Variants in PODXL2 observed in about 807,000 individuals in gnomAD.
PODXL2 encodes the protein podocalyxin-like protein 2.
Under a neutral mutation model 53.4 loss-of-function variants are expected in PODXL2, and 17 were observed. The observed-to-expected ratio is 0.32, with a 90% CI of 0.22 to 0.48. PODXL2 has a LOEUF of 0.48. PODXL2 is among the 20% of genes least tolerant of loss of function. The pLI, the probability that PODXL2 is intolerant of heterozygous loss-of-function variation, is 0.99. For synonymous variants in PODXL2, 311 were observed against 306.7 expected (o/e 1.01, Z -0.15); for missense variants, 673 against 760.0 (o/e 0.89, Z 1.35).
chr3:127,668,141 T>TCC (rs1449160868), intron 4 of PODXL2, among the ~76,000 whole-genome samples: 1 of 138,738 alleles, frequency 7.2e-6, no homozygotes, highest in Non-Finnish European at 1.6e-5. Context: ...TGTGTGTGTG[T>TCC]GTCCCCAGCC....
In PODXL2 at chr3:127,639,102, C is replaced by T. The variant is rs553155155; in HGVS notation, c.71-143C>T. On this transcript the variant is annotated intron_variant, in intron 1 of 7. Transcript: ENST00000342480. Reference sequence around the variant, plus strand: ...AATGAAAATAGTGTCTCAGAATCCCCGCAAAGCCTCTGGGTTTTCAGGAGT... The same window carrying T: ...AATGAAAATAGTGTCTCAGAATCCCTGCAAAGCCTCTGGGTTTTCAGGAGT... The T allele has an allele frequency of 3.2e-4, 265 of 817,444 alleles. 1 individual carries two copies. In the Middle Eastern group the frequency reaches 3.8e-3, roughly 12 times the overall value. 50.6% of individuals were successfully genotyped at this position (817,444 alleles called of 1,614,324 possible). A position where few individuals can be genotyped will look rare whatever the true frequency, so the allele number is the denominator to read the frequency against.
At chr3:127,630,873 T>C (rs919988586) in intron 1 of PODXL2, among the ~76,000 whole-genome samples, 3 of 152,274 alleles carry the variant, frequency 2.0e-5, no homozygotes, top group African/African-American at 7.2e-5. Context: ...ATTGGTCTGC[T>C]ATTTCTTTGT....
At chr3:127,666,500 C>T (rs1392968551) in intron 4 of PODXL2, among the ~76,000 whole-genome samples, 2 of 152,158 alleles carry the variant, frequency 1.3e-5, no homozygotes, top group African/African-American at 4.8e-5. Context: ...CTCAACTGCC[C>T]AGGCTCACGT....
In PODXL2 at chr3:127,660,411, G is replaced by C. The variant is rs1341308077; in HGVS notation, c.383G>C (p.Gly128Ala). The change falls in exon 3 of 8, where the codon GGT becomes GCT. Residue 128 changes from glycine (G) to alanine (A), a missense_variant. Physicochemically the swap from Gly to Ala is moderately conservative, Grantham distance 60 (BLOSUM62 0). Around this residue, in one of 3 missense-constraint regions of PODXL2, gnomAD observed 588 missense variants for 668.3 expected, o/e 0.88. Coordinates refer to ENST00000342480, the MANE Select transcript of PODXL2 (RefSeq NM_015720.4). ...TTTCCTGACTTAACTGAGAAGGCAG[G>C]TTCCATTGAAGACACCAGCCAGGCT... ...YVFPDLTEKA[G>A]SIEDTSQAQE... The C allele has an allele frequency of 6.2e-7, 1 of 1,612,804 alleles. No individual in the cohort carries two copies. Among genetic ancestry groups the C allele is most frequent in the Admixed American group, 1.7e-5 (1 of 59,964 alleles).
In PODXL2 at chr3:127,637,043, G is replaced by A. The variant is rs141570117; in HGVS notation, c.71-2202G>A. On this transcript the variant is annotated intron_variant, in intron 1 of 7. Coordinates refer to ENST00000342480, the MANE Select transcript of PODXL2 (RefSeq NM_015720.4). ...TTGCCACATTGGCCAGGCCTGTCTCGACCTCTTGACCTCAAGTGATCCGCC... is the reference window on the plus strand; with the variant it reads ...TTGCCACATTGGCCAGGCCTGTCTCAACCTCTTGACCTCAAGTGATCCGCC... Among the ~76,000 whole-genome samples, 451 of 152,184 alleles carry A rather than the reference G, an allele frequency of 3.0e-3. 3 individuals are homozygous for A. Among genetic ancestry groups the A allele is most frequent in the African/African-American group, 1.0e-2 (415 of 41,536 alleles).
intron 2 of PODXL2, among the ~76,000 whole-genome samples, chr3:127,646,836 G>A (rs993818828): frequency 2.6e-5 from 4 of 152,188 alleles, no homozygotes; most frequent in African/African-American, 9.7e-5. Flanking sequence ...GTGTGGCAGA[G>A]CCGAATCTGG....
Position 127,672,719 on chromosome 3 carries a change from A to C in PODXL2, c.*239A>C. ...CTTGGCCCCGCTTTCCCGCCCCTGA[A>C]CCCCGGCCCCGCGGGCGGCGGGCGG... On this transcript the variant is annotated 3_prime_UTR_variant, in exon 8 of 8. Transcript: ENST00000342480. 2.4e-6 allele frequency: 1 copy of C among 412,782 alleles called. No individual in the cohort carries two copies. Among genetic ancestry groups the C allele is most frequent in the Non-Finnish European group, 4.2e-6 (1 of 237,780 alleles). The allele number at this position is 412,782 out of a possible 1,614,324, so 25.6% of individuals were successfully genotyped here.
At chr3:127,640,802 T>TA (rs1386813596) in intron 2 of PODXL2, among the ~76,000 whole-genome samples, 1 of 152,230 alleles carries the variant, frequency 6.6e-6, no homozygotes, top group African/African-American at 2.4e-5. Context: ...TCTAGTCACT[T>TA]TATGTGCAAA....
chr3:127,640,089 G>A (rs2074605328), intron 2 of PODXL2, among the ~76,000 whole-genome samples: 2 of 152,220 alleles, frequency 1.3e-5, no homozygotes, highest in South Asian at 4.1e-4. Flanking sequence ...GATCTACAGA[G>A]CCCAGCTGGT....
intron 2 of PODXL2, among the ~76,000 whole-genome samples, chr3:127,642,218 A>T (rs559834233): frequency 2.7e-5 from 4 of 148,300 alleles, no homozygotes; most frequent in African/African-American, 1.0e-4. Flanking sequence ...TGAACCTGGG[A>T]GGTGGAGGTT....
intron 2 of PODXL2, among the ~76,000 whole-genome samples, chr3:127,656,226 A>G (rs985907633): frequency 5.3e-5 from 8 of 152,248 alleles, no homozygotes; most frequent in African/African-American, 1.9e-4. Context: ...AACTATATCC[A>G]AAGCTTAAAA....
chr3:127,661,207 G>A (rs1251436232), intron 3 of PODXL2, 48 bp downstream of exon 3: 1 of 1,448,034 alleles, frequency 6.9e-7, no homozygotes, highest in Non-Finnish European at 9.6e-7. Flanking sequence ...TCTTCACAGA[G>A]CCTGGCCATC....
chr3:127,629,584 C>T lies in PODXL2; in HGVS notation c.70+295C>T, dbSNP rs1270486648. Among the ~76,000 whole-genome samples the T allele has an allele frequency of 5.9e-5, 9 of 151,778 alleles. No individual in the cohort carries two copies. Among genetic ancestry groups the T allele is most frequent in the Non-Finnish European group, 4.4e-5 (3 of 67,900 alleles). ...CAGGGGCAGGTGCGCAGGCTGCTGC[C>T]TCGCGGGCCGGGGGGGCGCGCACGT... On this transcript the variant is annotated intron_variant, in intron 1 of 7. Coordinates refer to ENST00000342480, the MANE Select transcript of PODXL2 (RefSeq NM_015720.4). This position sits in a 1 kb window ranked among gnomAD's most constrained non-coding sequence, Gnocchi z 6.4.
chr3:127,669,021 A>G (rs974043058), intron 5 of PODXL2, 120 bp from the exon 6 acceptor site: 240 of 633,720 alleles, frequency 3.8e-4, no homozygotes, highest in South Asian at 4.0e-4. Flanking sequence ...TCTGTGTGCA[A>G]TTTGAGCCAG....
chr3:127,643,741 C>T (rs546114851), intron 2 of PODXL2, among the ~76,000 whole-genome samples: 8 of 151,902 alleles, frequency 5.3e-5, no homozygotes, highest in African/African-American at 1.7e-4. Context: ...TGGGCTCAAT[C>T]GATCCTCCTG....
intron 2 of PODXL2, among the ~76,000 whole-genome samples, chr3:127,653,093 C>T (rs1576431127): frequency 6.6e-6 from 1 of 152,144 alleles, no homozygotes; most frequent in Non-Finnish European, 1.5e-5. Context: ...TCCTTTTTCA[C>T]CTCCAAAGTG....
intron 2 of PODXL2, among the ~76,000 whole-genome samples, chr3:127,654,412 T>C (rs2074708853): frequency 6.6e-6 from 1 of 152,124 alleles, no homozygotes; most frequent in South Asian, 2.1e-4. Flanking sequence ...TTGGATCCAG[T>C]CTCACGGGCC....
At chr3:127,664,998 A>T (rs2074788101) in intron 4 of PODXL2, among the ~76,000 whole-genome samples, 1 of 152,308 alleles carries the variant, frequency 6.6e-6, no homozygotes, top group South Asian at 2.1e-4. Context: ...CAAATACATT[A>T]GTTTGTGTTT....
intron 4 of PODXL2, among the ~76,000 whole-genome samples, chr3:127,667,512 G>A (rs1490824001): frequency 6.6e-6 from 1 of 152,248 alleles, no homozygotes; most frequent in Non-Finnish European, 1.5e-5. Context: ...GGAGTGAGGA[G>A]TGGCCACAGG....
Sources: gnomAD v4.1 joint callset for allele counts (sites outside exome capture counted in the v4.1 genomes callset) on GRCh38, gnomAD v4.1.1 for gene constraint, gnomAD v4.1.1 regional missense constraint, Gnocchi (gnomAD v3.1) non-coding constraint, MANE v1.5 for transcripts, NCBI Gene and HGNC (gene_info 2026-07-23, HGNC 2026-07-21) for gene names.